CPED1: variants seen among roughly 807,000 people sequenced by gnomAD.
CPED1 encodes the protein cadherin-like and PC-esterase domain-containing protein 1.
A neutral mutation model predicts 128.2 loss-of-function variants in CPED1; 114 were observed. That is an observed-to-expected ratio of 0.89 (90% CI 0.76 to 1.04). CPED1 has a LOEUF of 1.04. Ranked by LOEUF, CPED1 falls within the 50% of genes least tolerant of loss-of-function variation. The probability of loss-of-function intolerance (pLI) is 0.00; values close to 1 mark genes in which losing one functional copy is unlikely to be tolerated. For missense variants in CPED1, 1,211 were observed against 1,207.1 expected (o/e 1.00, Z -0.05); for synonymous variants, 462 against 426.7 (o/e 1.08, Z -1.02).
At chr7:121,014,104 A>G (rs1325573653) in intron 2 of CPED1, among the ~76,000 whole-genome samples, 1 of 152,238 alleles carries the variant, frequency 6.6e-6, no homozygotes, top group East Asian at 1.9e-4. Flanking sequence ...GATAAGTGAA[A>G]TAACGAAAAG....
At chr7:121,163,136 C>A (rs1240074046) in intron 16 of CPED1, among the ~76,000 whole-genome samples, 1 of 152,212 alleles carries the variant, frequency 6.6e-6, no homozygotes, top group African/African-American at 2.4e-5. Flanking sequence ...CCAGTCTCAA[C>A]TCTCCTCATG....
chr7:120,997,716 T>A (rs1337070338), intron 2 of CPED1, among the ~76,000 whole-genome samples: 1 of 151,486 alleles, frequency 6.6e-6, no homozygotes, highest in Non-Finnish European at 1.5e-5. Flanking sequence ...AGGTCAGGAG[T>A]TTGAGACCAG....
At chr7:121,084,433 A>C (rs1162119056) in intron 5 of CPED1, among the ~76,000 whole-genome samples, 1 of 152,224 alleles carries the variant, frequency 6.6e-6, no homozygotes, top group Non-Finnish European at 1.5e-5. Context: ...AAATAGTCAG[A>C]TGCTTCCACT....
intron 16 of CPED1, 94 bp downstream of exon 16, chr7:121,142,235 T>C: frequency 8.5e-7 from 1 of 1,182,392 alleles, no homozygotes. Flanking sequence ...CAAGAAATTG[T>C]ATGCCTTGAA....
intron 22 of CPED1, among the ~76,000 whole-genome samples, chr7:121,272,128 G>T (rs1389397117): frequency 6.6e-6 from 1 of 151,968 alleles, no homozygotes; most frequent in East Asian, 1.9e-4. Context: ...TACTAAAATT[G>T]TCCCATTCTG....
chr7:121,175,648 A>G (rs1181841892), intron 16 of CPED1, among the ~76,000 whole-genome samples: 5 of 152,116 alleles, frequency 3.3e-5, no homozygotes. Context: ...AATAACACTT[A>G]TTTCTTGAAT....
At chr7:121,032,404 G>A (rs902783813) in intron 3 of CPED1, among the ~76,000 whole-genome samples, 37 of 152,094 alleles carry the variant, frequency 2.4e-4, no homozygotes, top group African/African-American at 8.9e-4. Context: ...GAGATAAAGT[G>A]TGCTTCTCCA....
intron 18 of CPED1, 93 bp from the exon 19 acceptor site, chr7:121,266,134 T>A: frequency 1.1e-6 from 1 of 872,524 alleles, no homozygotes; most frequent in Admixed American, 1.9e-5. Flanking sequence ...AGTTAGGTAG[T>A]AGTGTGAATA....
rs1324675606 is a variant in CPED1, at chr7:121,096,906, T to C, written c.617-793T>C. Among the ~76,000 whole-genome samples, 3 of 152,150 alleles carry C rather than the reference T, an allele frequency of 2.0e-5. No homozygotes were observed. In the East Asian group the frequency reaches 5.8e-4, roughly 29 times the overall value. On this transcript the variant is annotated intron_variant, in intron 5 of 22. Transcript: ENST00000310396. ...ACCTACATATATAGGTTCATGTAGA[T>C]ACATTGATATTTATATTAATTACAT...
At chr7:121,204,168 T>C (rs888903219) in intron 16 of CPED1, among the ~76,000 whole-genome samples, 5 of 152,080 alleles carry the variant, frequency 3.3e-5, no homozygotes, top group Non-Finnish European at 5.9e-5. Flanking sequence ...TGTTCCAAAA[T>C]TGGAGAAGGG....
At chr7:121,042,212 T>C (rs1793077398) in intron 3 of CPED1, among the ~76,000 whole-genome samples, 1 of 152,158 alleles carries the variant, frequency 6.6e-6, no homozygotes, top group South Asian at 2.1e-4. Context: ...AGTTCCTGAG[T>C]ACCTGCGAGG....
intron 12 of CPED1, among the ~76,000 whole-genome samples, chr7:121,132,864 A>G (rs147512929): frequency 2.0e-5 from 3 of 152,162 alleles, no homozygotes; most frequent in African/African-American, 4.8e-5. Context: ...AACAGTTTTT[A>G]AAATAAAACT....
At position 121,038,592 on chromosome 7, in the gene CPED1, ACT is replaced by A. The variant is rs556525725; in HGVS notation, c.434-8294_434-8293del. ...TCTTCTGGAGAATTCATTTATTCAG[ACT>A]TTTTAAAAACTGAAGTCCATACTTT... On this transcript the variant is annotated intron_variant, in intron 3 of 22. Transcript: ENST00000310396. Among the ~76,000 whole-genome samples the A allele has an allele frequency of 3.2e-4, 48 of 152,048 alleles. 2 individuals are homozygous for A. The East Asian group carries it at 8.7e-3, about 28-fold the overall frequency.
chr7:121,268,292 A>C (rs1010378813), intron 21 of CPED1, among the ~76,000 whole-genome samples: 2 of 152,028 alleles, frequency 1.3e-5, no homozygotes, highest in Admixed American at 1.3e-4. Context: ...GCAGCTCCTC[A>C]CAGTAATTGG....
chr7:121,250,482 T>G (rs1283643082), intron 18 of CPED1, among the ~76,000 whole-genome samples: 2 of 151,750 alleles, frequency 1.3e-5, no homozygotes, highest in African/African-American at 2.4e-5. Context: ...AGAGCAGAAC[T>G]GAAGGAAATA....
chr7:121,286,846 C>T (rs538620418), intron 22 of CPED1, among the ~76,000 whole-genome samples: 2 of 151,976 alleles, frequency 1.3e-5, no homozygotes, highest in African/African-American at 4.8e-5. Flanking sequence ...CCTGAGACTG[C>T]GTAATTTATA....
intron 16 of CPED1, among the ~76,000 whole-genome samples, chr7:121,160,679 A>C (rs948130573): frequency 6.6e-6 from 1 of 152,164 alleles, no homozygotes; most frequent in Non-Finnish European, 1.5e-5. Flanking sequence ...AAGAAGGGGC[A>C]AGGAGCAGTC....
At chr7:121,212,135 G>A (rs972453735) in intron 16 of CPED1, among the ~76,000 whole-genome samples, 2 of 151,904 alleles carry the variant, frequency 1.3e-5, no homozygotes, top group Admixed American at 6.6e-5. Context: ...AGCCTGAACC[G>A]ATATGGCTGT....
At chr7:121,256,140 A>AAAAG in intron 18 of CPED1, among the ~76,000 whole-genome samples, 1 of 146,844 alleles carries the variant, frequency 6.8e-6, no homozygotes, top group Admixed American at 6.8e-5. Context: ...AAAAAAAAAA[A>AAAAG]ACAAAGCTTA....
Sources: allele counts gnomAD v4.1 joint callset (sites outside exome capture counted in the v4.1 genomes callset), GRCh38; gene constraint gnomAD v4.1.1; transcripts MANE v1.5; gene names NCBI Gene and HGNC (gene_info 2026-07-23, HGNC 2026-07-21).